The following SND1 variants were observed in gnomAD, a reference collection of about 807,000 sequenced individuals.
The protein encoded by SND1 is staphylococcal nuclease domain-containing protein 1.
A neutral mutation model predicts 121.7 loss-of-function variants in SND1; 38 were observed. That is an observed-to-expected ratio of 0.31 (90% confidence interval 0.24 to 0.41). The LOEUF is 0.41. Among genes scored for constraint, SND1 ranks in the 10% least tolerant of loss-of-function variants. The probability of loss-of-function intolerance (pLI) is 1.00; values close to 1 mark genes in which losing one functional copy is unlikely to be tolerated. For synonymous variants in SND1, 401 were observed against 447.4 expected (o/e 0.90, Z 1.31); for missense variants, 868 against 1,184.6 (o/e 0.73, Z 3.92).
chr7:127,698,592 C>G (rs146944111), intron 3 of SND1, among the ~76,000 whole-genome samples: 25 of 152,220 alleles, frequency 1.6e-4, no homozygotes, highest in African/African-American at 6.0e-4. Flanking sequence ...CTTTCTTGTC[C>G]GTCTCCCATG....
At chr7:127,904,503 G>A (rs1458369981) in intron 13 of SND1, 1 of 340,478 alleles carries the variant, frequency 2.9e-6, no homozygotes, top group Non-Finnish European at 5.5e-6. Flanking sequence ...TGATTACTAA[G>A]CACACTGTTA....
chr7:128,063,989 A>G (rs1259002380), intron 16 of SND1, among the ~76,000 whole-genome samples: 1 of 152,222 alleles, frequency 6.6e-6, no homozygotes, highest in Non-Finnish European at 1.5e-5. Context: ...TTCCAACATT[A>G]GTGGAGAACA....
At chr7:128,068,703 T>G (rs1360478950) in intron 16 of SND1, among the ~76,000 whole-genome samples, 1 of 152,184 alleles carries the variant, frequency 6.6e-6, no homozygotes, top group African/African-American at 2.4e-5. Flanking sequence ...CATGCTCTTC[T>G]TTTCTCCTCC....
intron 16 of SND1, among the ~76,000 whole-genome samples, chr7:128,056,950 G>A (rs913362846): frequency 6.6e-6 from 1 of 152,084 alleles, no homozygotes; most frequent in African/African-American, 2.4e-5. Context: ...CATGACAGTC[G>A]ATTTGGTTAC....
At chr7:127,892,955 C>T (rs1344218823) in intron 13 of SND1, among the ~76,000 whole-genome samples, 1 of 152,094 alleles carries the variant, frequency 6.6e-6, no homozygotes, top group Non-Finnish European at 1.5e-5. Flanking sequence ...TATTGACTTT[C>T]CAGCATTTCC....
chr7:128,054,331 A>C (rs1485805929), intron 16 of SND1, among the ~76,000 whole-genome samples: 1 of 152,230 alleles, frequency 6.6e-6, no homozygotes, highest in Non-Finnish European at 1.5e-5. Flanking sequence ...GGCCAGGAAC[A>C]GAGGTTGGTG....
intron 2 of SND1, among the ~76,000 whole-genome samples, chr7:127,688,548 CAAAAA>C (rs56962684): frequency 2.8e-5 from 2 of 71,160 alleles, no homozygotes; most frequent in Non-Finnish European, 3.0e-5. Flanking sequence ...GATCCCATCT[CAAAAA>C]AAAAAAAAAA....
At chr7:128,057,015 A>G (rs898583602) in intron 16 of SND1, among the ~76,000 whole-genome samples, 1 of 152,244 alleles carries the variant, frequency 6.6e-6, no homozygotes, top group Non-Finnish European at 1.5e-5. Flanking sequence ...TACAGCCTGG[A>G]TATGCTGGAC....
At chr7:127,942,280 C>T (rs1240238007) in intron 15 of SND1, among the ~76,000 whole-genome samples, 1 of 152,166 alleles carries the variant, frequency 6.6e-6, no homozygotes, top group East Asian at 1.9e-4. Context: ...TATTGCACTA[C>T]AGTACAGCAT....
At chr7:127,732,795 G>A (rs571209363) in intron 10 of SND1, among the ~76,000 whole-genome samples, 10 of 152,312 alleles carry the variant, frequency 6.6e-5, no homozygotes, top group African/African-American at 2.2e-4. Context: ...CTCTAAATCT[G>A]TAGTTTGTAG....
At chr7:127,990,187 A>G (rs1802489034) in intron 15 of SND1, among the ~76,000 whole-genome samples, 1 of 152,246 alleles carries the variant, frequency 6.6e-6, no homozygotes, top group South Asian at 2.1e-4. Flanking sequence ...TAGTTCACAC[A>G]GCAACCTTAA....
At chr7:127,888,187 A>C (rs1799946522) in intron 13 of SND1, among the ~76,000 whole-genome samples, 175 bp downstream of exon 13, 1 of 152,112 alleles carries the variant, frequency 6.6e-6, no homozygotes, top group Non-Finnish European at 1.5e-5. Context: ...TTGCTGTCTA[A>C]TTTTGTTTAA....
In SND1 at chr7:127,672,573, A is replaced by T. The variant is rs183716213; in HGVS notation, c.79-14040A>T. On this transcript the variant is annotated intron_variant, in intron 1 of 23. Coordinates refer to ENST00000354725, the MANE Select transcript of SND1 (RefSeq NM_014390.4). ...GGTTGCAGTGAGCCGAGATCGCACCACTGCACTCCAGCCTGGGCGACAGAG... is the reference window on the plus strand; with the variant it reads ...GGTTGCAGTGAGCCGAGATCGCACCTCTGCACTCCAGCCTGGGCGACAGAG... 4.2e-3 allele frequency among the ~76,000 whole-genome samples: 636 copies of T among 151,996 alleles called. 6 individuals carry two copies. The highest frequency in any genetic ancestry group is 0.015 in the African/African-American group (611 of 41,464).
At position 127,807,484 on chromosome 7, in the gene SND1, G is replaced by A. The variant is rs778051354; in HGVS notation, c.1153G>A (p.Asp385Asn). The change falls in exon 11 of 24, where the codon GAT becomes AAT. Residue 385 changes from aspartate to asparagine, a missense_variant and splice_region_variant. This residue lies in a region of SND1 where 743 missense variants were observed against 1,071.3 expected (regional missense o/e 0.69). Coordinates refer to ENST00000354725, the MANE Select transcript of SND1 (RefSeq NM_014390.4). ...PPRLEGENTQ[D>N]KNKKLRPLYD... is the part of the protein sequence containing the mutation. ...ATGTCATGTTTTATTTTACTTTTAG[G>A]ATAAGAACAAGAAACTGCGTCCCCT... 4.7e-5 allele frequency: 75 copies of A among 1,611,940 alleles called. No individual in the cohort carries two copies. Among genetic ancestry groups the A allele is most frequent in the Non-Finnish European group, 6.0e-5 (71 of 1,178,362 alleles).
chr7:127,735,586 A>G (rs960585827), intron 10 of SND1, among the ~76,000 whole-genome samples: 2 of 152,056 alleles, frequency 1.3e-5, no homozygotes, highest in African/African-American at 4.8e-5. Context: ...TAAAAAAAAG[A>G]GGCTGTAACT....
rs546111383 is a variant in SND1, at chr7:127,823,988, G to A, written c.1242+16415G>A. ...TACTCATATCATAGTCAACACTTAA[G>A]CAATGAAGGATTTGCGCTGGTATTA... On this transcript the variant is annotated intron_variant, in intron 11 of 23. Transcript: ENST00000354725. Among the ~76,000 whole-genome samples, 12 of 152,284 alleles carry A rather than the reference G, an allele frequency of 7.9e-5. No individual in the cohort carries two copies. In the East Asian group the frequency reaches 1.9e-3, roughly 24 times the overall value.
chr7:128,046,485 T>G (rs1792950793), intron 16 of SND1, among the ~76,000 whole-genome samples: 1 of 150,560 alleles, frequency 6.6e-6, no homozygotes, highest in Admixed American at 6.7e-5. Flanking sequence ...TCCCTCAGCC[T>G]CCTAAGTAGC....
At chr7:127,837,402 A>G (rs1183703170) in intron 11 of SND1, among the ~76,000 whole-genome samples, 3 of 152,274 alleles carry the variant, frequency 2.0e-5, no homozygotes, top group Admixed American at 6.5e-5. Flanking sequence ...ATAAAAAATC[A>G]TATTAAAATT....
chr7:127,893,800 C>T (rs1202907584), intron 13 of SND1, among the ~76,000 whole-genome samples: 1 of 152,056 alleles, frequency 6.6e-6, no homozygotes, highest in African/African-American at 2.4e-5. Flanking sequence ...AACCTGCCCT[C>T]ATCTCAGCAT....
Sources: allele counts gnomAD v4.1 joint callset (sites outside exome capture counted in the v4.1 genomes callset), GRCh38; gene constraint gnomAD v4.1.1; regional missense constraint gnomAD v4.1.1; transcripts MANE v1.5; gene names NCBI Gene and HGNC (gene_info 2026-07-23, HGNC 2026-07-21).